IREB2: variants seen among roughly 807,000 people sequenced by gnomAD.
IREB2 encodes iron responsive element binding protein 2.
IREB2 carries 39 observed loss-of-function variants against 118.8 expected under a neutral mutation model. That is an observed-to-expected ratio of 0.33 (90% CI 0.25 to 0.43). The LOEUF is 0.43. Ranked by LOEUF, IREB2 falls within the 20% of genes least tolerant of loss-of-function variation. The pLI is 1.00. For synonymous variants in IREB2, 372 were observed against 392.2 expected (o/e 0.95, Z 0.61); for missense variants, 900 against 1,147.3 (o/e 0.78, Z 3.11).
chr15:78,445,774 CTTGTT>C (rs760428242), intron 2 of IREB2, among the ~76,000 whole-genome samples: 27 of 152,072 alleles, frequency 1.8e-4, no homozygotes, highest in South Asian at 1.2e-3. Context: ...GACTCTTTTA[CTTGTT>C]TTGTTTTGTT....
intron 2 of IREB2, among the ~76,000 whole-genome samples, chr15:78,442,684 C>T (rs2050862321): frequency 6.6e-6 from 1 of 152,192 alleles, no homozygotes. Context: ...ATTTTTCTAA[C>T]ATAACGAAGT....
intron 2 of IREB2, among the ~76,000 whole-genome samples, chr15:78,446,579 A>G (rs756622434): frequency 2.0e-5 from 3 of 152,110 alleles, no homozygotes; most frequent in Non-Finnish European, 4.4e-5. Flanking sequence ...TTCACTATAG[A>G]CAAGCCTCCT....
In IREB2 at chr15:78,478,284, A is replaced by G. The variant is rs755692200; in HGVS notation, c.1196-13A>G. On this transcript the variant is annotated splice_polypyrimidine_tract_variant and intron_variant, in intron 9 of 21. Coordinates refer to ENST00000258886, the MANE Select transcript of IREB2 (RefSeq NM_004136.4). Reference sequence around the variant, plus strand: ...CTCACTGCATTTTGTTGTTTTGTTCATCTTCGTTTTAGGTTTTAGCAAAGC... The same window carrying G: ...CTCACTGCATTTTGTTGTTTTGTTCGTCTTCGTTTTAGGTTTTAGCAAAGC... The G allele has an allele frequency of 2.0e-6, 3 of 1,526,910 alleles. No homozygotes were observed. Among genetic ancestry groups the G allele is most frequent in the Admixed American group, 1.7e-5 (1 of 58,930 alleles). 94.6% of individuals were successfully genotyped at this position (1,526,910 alleles called of 1,614,324 possible). A position where few individuals can be genotyped will look rare whatever the true frequency, so the allele number is the denominator to read the frequency against.
In IREB2 at chr15:78,498,772, T is replaced by TG. The variant is rs1223351720; in HGVS notation, c.*631dup. The stretch of plus-strand genomic sequence containing the variant: ...CCAAGGTTCCCTCCACATATGAAGA[T>TG]GGACCATGGCAGGATACAACTGATT... On this transcript the variant is annotated 3_prime_UTR_variant, in exon 22 of 22. Transcript: ENST00000258886. 6.6e-6 allele frequency: 1 copy of TG among 152,282 alleles called. No individual in the cohort carries two copies. The highest frequency in any genetic ancestry group is 2.4e-5 in the African/African-American group (1 of 41,468). 9.4% of individuals were successfully genotyped at this position (152,282 alleles called of 1,614,324 possible). A position where few individuals can be genotyped will look rare whatever the true frequency, so the allele number is the denominator to read the frequency against.
In IREB2 at chr15:78,465,332, T is replaced by C. The variant is rs2051263370; in HGVS notation, c.354T>C (p.Pro118=). 6.2e-7 allele frequency: 1 copy of C among 1,613,880 alleles called. No individual in the cohort carries two copies. The highest frequency in any genetic ancestry group is 2.2e-5 in the East Asian group (1 of 44,850). ...TLGGDPEKVH[P]ACPTDLTVDH... ...GAGGTGATCCTGAGAAAGTCCATCCTGCTTGTCCGACAGATCTTACAGTTG... is the reference window on the plus strand; with the variant it reads ...GAGGTGATCCTGAGAAAGTCCATCCCGCTTGTCCGACAGATCTTACAGTTG... Residue 118 remains proline, a synonymous_variant, in exon 4 of 22, where the codon CCT becomes CCC. Transcript: ENST00000258886.
chr15:78,491,366 A>G (rs989627030), intron 18 of IREB2, among the ~76,000 whole-genome samples: 3 of 152,210 alleles, frequency 2.0e-5, no homozygotes, highest in Non-Finnish European at 2.9e-5. Context: ...TGTTTTGACA[A>G]TAGAGACAAA....
intron 16 of IREB2, among the ~76,000 whole-genome samples, chr15:78,489,269 A>G (rs963238191): frequency 6.6e-6 from 1 of 151,946 alleles, no homozygotes; most frequent in Non-Finnish European, 1.5e-5. Context: ...ATCAGAATTC[A>G]TTAGTGTTGA....
At chr15:78,493,410 T>C (rs1258094812) in intron 18 of IREB2, among the ~76,000 whole-genome samples, 3 of 152,086 alleles carry the variant, frequency 2.0e-5, no homozygotes, top group Non-Finnish European at 2.9e-5. Context: ...CAGTGTTTGG[T>C]TGAAAAAAAA....
chr15:78,442,971 C>G (rs1015374412), intron 2 of IREB2, among the ~76,000 whole-genome samples: 2 of 152,150 alleles, frequency 1.3e-5, no homozygotes, highest in African/African-American at 4.8e-5. Flanking sequence ...AGTGGCCACT[C>G]TTAGCTTCAA....
In IREB2 at chr15:78,497,285, T is replaced by C; in HGVS notation, c.2755T>C (p.Ser919Pro). The C allele has an allele frequency of 1.9e-6, 3 of 1,613,566 alleles. No individual in the cohort carries two copies. The East Asian group carries it at 6.7e-5, about 36-fold the overall frequency. Residue 919 changes from serine (S) to proline (P), a missense_variant, in exon 21 of 22, where the codon TCT becomes CCT. By Grantham distance (74) the Ser-to-Pro change is moderately conservative (BLOSUM62 -1). Coordinates refer to ENST00000258886, the MANE Select transcript of IREB2 (RefSeq NM_004136.4). The stretch of plus-strand genomic sequence containing the variant: ...TTCTTTAACATTTCCTGAAGAACTG[T>C]CTCCTGGAATTACATTGAATATACA... ...TFSLTFPEEL[S>P]PGITLNIQTS...
At chr15:78,463,470 A>T (rs2051229991) in intron 3 of IREB2, among the ~76,000 whole-genome samples, 1 of 151,388 alleles carries the variant, frequency 6.6e-6, no homozygotes, top group East Asian at 1.9e-4. Context: ...AAAAAATCAG[A>T]CTTCCTAATG....
chr15:78,460,135 G>A (rs1397885052), intron 2 of IREB2, among the ~76,000 whole-genome samples: 1 of 152,206 alleles, frequency 6.6e-6, no homozygotes, highest in Non-Finnish European at 1.5e-5. Flanking sequence ...CAGCTTGTAA[G>A]CGCGCCATCC....
intron 18 of IREB2, 62 bp from the exon 19 acceptor site, chr15:78,493,847 C>G: frequency 6.6e-7 from 1 of 1,517,398 alleles, no homozygotes; most frequent in Non-Finnish European, 9.0e-7. Context: ...GGTCTTACAG[C>G]TCAATAGTAT....
At chr15:78,438,421 C>G in intron 1 of IREB2, 65 bp downstream of exon 1, 1 of 1,550,042 alleles carries the variant, frequency 6.5e-7, no homozygotes, top group Non-Finnish European at 8.8e-7. Context: ...GCGCCGAATT[C>G]CTTGCTTTTC....
At position 78,438,279 on chromosome 15, in the gene IREB2, G is replaced by T; in HGVS notation, c.-59G>T. The T allele has an allele frequency of 1.5e-6, 2 of 1,343,270 alleles. No homozygotes were observed. Among genetic ancestry groups the T allele is most frequent in the Non-Finnish European group, 2.1e-6 (2 of 954,776 alleles). 83.2% of individuals were successfully genotyped at this position (1,343,270 alleles called of 1,614,324 possible). A position where few individuals can be genotyped will look rare whatever the true frequency, so the allele number is the denominator to read the frequency against. ...GTCTTCCTCCCCGTCTTCCCTGCCC[G>T]GCCTCCCCCTTCTTCCCCCGCTGGC... is the stretch of plus-strand genomic sequence containing the variant. On this transcript the variant is annotated 5_prime_UTR_variant, in exon 1 of 22. Transcript: ENST00000258886.
chr15:78,469,626 G>A (rs940148704), intron 5 of IREB2, among the ~76,000 whole-genome samples: 1 of 152,110 alleles, frequency 6.6e-6, no homozygotes, highest in African/African-American at 2.4e-5. Flanking sequence ...AGGGGGCTGA[G>A]GTAGGAGAAT....
chr15:78,450,306 T>C (rs890520977), intron 2 of IREB2, among the ~76,000 whole-genome samples: 6 of 152,230 alleles, frequency 3.9e-5, no homozygotes, highest in African/African-American at 1.4e-4. Flanking sequence ...TACATAATTA[T>C]TAACTATGGT....
intron 18 of IREB2, among the ~76,000 whole-genome samples, chr15:78,493,602 A>T (rs939759054): frequency 2.7e-5 from 4 of 149,216 alleles, no homozygotes; most frequent in Non-Finnish European, 5.9e-5. Flanking sequence ...AATTATTGTG[A>T]TTTTTTTTTT....
rs780274608 is a variant in IREB2, at chr15:78,471,722, A to C, written c.700-19A>C. On this transcript the variant is annotated intron_variant, in intron 6 of 21. Transcript: ENST00000258886. ...TTATATACTAACATTTGTATTTCTT[A>C]AATTTAAACAAAATATAGTGGAGTT... 18 of 1,519,516 alleles carry C rather than the reference A, an allele frequency of 1.2e-5. No individual in the cohort carries two copies. The highest frequency in any genetic ancestry group is 1.6e-5 in the Non-Finnish European group (18 of 1,124,600). 94.1% of individuals were successfully genotyped at this position (1,519,516 alleles called of 1,614,324 possible). A position where few individuals can be genotyped will look rare whatever the true frequency, so the allele number is the denominator to read the frequency against.
Sources: gnomAD v4.1 joint callset for allele counts (sites outside exome capture counted in the v4.1 genomes callset) on GRCh38, gnomAD v4.1.1 for gene constraint, MANE v1.5 for transcripts, NCBI Gene and HGNC (gene_info 2026-07-23, HGNC 2026-07-21) for gene names.